MSRA: variants seen among roughly 807,000 people sequenced by gnomAD.
The protein encoded by MSRA is mitochondrial peptide methionine sulfoxide reductase.
A neutral mutation model predicts 31.3 loss-of-function variants in MSRA; 54 were observed. The ratio of observed to expected loss-of-function variants is 1.73; its 90% CI spans 1.39 to 2.17. The LOEUF (loss-of-function observed/expected upper bound fraction) is 2.17, where lower values mean the gene tolerates loss of function less well. MSRA is among the 30% of genes most tolerant of loss of function. The pLI, the probability that MSRA is intolerant of heterozygous loss-of-function variation, is 0.00. For synonymous variants in MSRA, 169 were observed against 116.5 expected (o/e 1.45, Z -2.90); for missense variants, 507 against 300.9 (o/e 1.69, Z -5.07).
At chr8:10,156,433 G>A (rs533662205) in intron 1 of MSRA, among the ~76,000 whole-genome samples, 51 of 151,622 alleles carry the variant, frequency 3.4e-4, no homozygotes, top group African/African-American at 1.2e-3. Flanking sequence ...AGGAAAGCAT[G>A]TGTGTGTACG....
At chr8:10,054,708 G>A (rs1207963386) in intron 1 of MSRA, 50 bp downstream of exon 1, 2 of 1,428,604 alleles carry the variant, frequency 1.4e-6, no homozygotes, top group East Asian at 2.8e-5. Flanking sequence ...GCGCATGCGC[G>A]CCTTTGCCCG....
At chr8:10,375,296 C>T (rs566897101) in intron 5 of MSRA, among the ~76,000 whole-genome samples, 1 of 152,238 alleles carries the variant, frequency 6.6e-6, no homozygotes, top group Non-Finnish European at 1.5e-5. Flanking sequence ...GATTATCAGG[C>T]TTAGCCTGAT....
intron 1 of MSRA, among the ~76,000 whole-genome samples, chr8:10,074,058 C>CTTTTTTTTTTTTTTTTTTTT (rs534642712): frequency 1.4e-4 from 4 of 29,454 alleles, no homozygotes; most frequent in East Asian, 1.7e-3. Context: ...AAGGGAGGTG[C>CTTTTTTTTTTTTTTTTTTTT]TTTTTTTTTT....
intron 5 of MSRA, among the ~76,000 whole-genome samples, chr8:10,385,521 C>G (rs1806332306): frequency 6.6e-6 from 1 of 152,056 alleles, no homozygotes; most frequent in Non-Finnish European, 1.5e-5. Flanking sequence ...TGGGTTTGAC[C>G]TTGACAATTG....
intron 1 of MSRA, among the ~76,000 whole-genome samples, chr8:10,060,031 T>G (rs999992642): frequency 7.9e-5 from 12 of 151,652 alleles, no homozygotes; most frequent in African/African-American, 2.9e-4. Context: ...TTGGCTCAAC[T>G]CCTATGGAAG....
chr8:10,206,778 C>T (rs1006609686), intron 1 of MSRA, among the ~76,000 whole-genome samples: 2 of 152,248 alleles, frequency 1.3e-5, no homozygotes, highest in Non-Finnish European at 2.9e-5. Flanking sequence ...CTGCAGAACC[C>T]TCCGTCCACA....
At chr8:10,064,088 T>C (rs1039191872) in intron 1 of MSRA, among the ~76,000 whole-genome samples, 5 of 152,206 alleles carry the variant, frequency 3.3e-5, no homozygotes, top group African/African-American at 1.2e-4. Context: ...ATTTGGTGCT[T>C]GGTGGTAGTC....
intron 1 of MSRA, among the ~76,000 whole-genome samples, chr8:10,069,448 C>T (rs1343891256): frequency 1.3e-5 from 2 of 152,184 alleles, no homozygotes; most frequent in Non-Finnish European, 2.9e-5. Flanking sequence ...CAGAATACCA[C>T]AGAACTGGGT....
intron 1 of MSRA, among the ~76,000 whole-genome samples, chr8:10,158,716 G>T (rs896339891): frequency 1.3e-5 from 2 of 152,126 alleles, no homozygotes; most frequent in Non-Finnish European, 2.9e-5. Context: ...TTTTTGTGTA[G>T]ACACGTTTTC....
At chr8:10,055,379 C>G (rs73189194) in intron 1 of MSRA, among the ~76,000 whole-genome samples, 3 of 152,340 alleles carry the variant, frequency 2.0e-5, no homozygotes, top group Non-Finnish European at 4.4e-5. Context: ...TGGTAAACTG[C>G]TATAAAAGTT....
chr8:10,363,795 G>A (rs1805001995), intron 5 of MSRA, among the ~76,000 whole-genome samples: 2 of 56,750 alleles, frequency 3.5e-5, no homozygotes, highest in Admixed American at 5.4e-4. Context: ...GGTTGTTGTG[G>A]TGCGCACCCA....
chr8:10,164,899 A>T (rs1245793725), intron 1 of MSRA, among the ~76,000 whole-genome samples: 4 of 152,082 alleles, frequency 2.6e-5, no homozygotes, highest in Non-Finnish European at 5.9e-5. Context: ...GTTGTCGCAG[A>T]CGCCTGTATT....
At chr8:10,141,813 G>T (rs1802734351) in intron 1 of MSRA, among the ~76,000 whole-genome samples, 1 of 152,020 alleles carries the variant, frequency 6.6e-6, no homozygotes, top group Non-Finnish European at 1.5e-5. Flanking sequence ...TTGGCAGCAG[G>T]TTTTTTGCCA....
chr8:10,291,909 A>T (rs1224683735), intron 3 of MSRA, among the ~76,000 whole-genome samples: 1 of 152,220 alleles, frequency 6.6e-6, no homozygotes, highest in Non-Finnish European at 1.5e-5. Flanking sequence ...GACTCTAGGC[A>T]GTTCCCGTGG....
chr8:10,237,785 A>G (rs1054282414), intron 2 of MSRA, among the ~76,000 whole-genome samples: 5 of 152,274 alleles, frequency 3.3e-5, no homozygotes, highest in African/African-American at 7.2e-5. Flanking sequence ...TTTTGGCTCT[A>G]TCTTCAAAAT....
intron 5 of MSRA, among the ~76,000 whole-genome samples, chr8:10,362,244 C>G (rs551709139): frequency 6.6e-6 from 1 of 152,078 alleles, no homozygotes; most frequent in Non-Finnish European, 1.5e-5. Context: ...AGTGCAGATG[C>G]TCAGGAAATA....
intron 1 of MSRA, among the ~76,000 whole-genome samples, chr8:10,097,372 C>A (rs1374073993): frequency 5.3e-5 from 8 of 152,056 alleles, no homozygotes; most frequent in Admixed American, 5.2e-4. Flanking sequence ...AAAATGGACG[C>A]CAAGACATGA....
At chr8:10,256,837 A>G (rs1376126759) in intron 3 of MSRA, among the ~76,000 whole-genome samples, 4 of 151,988 alleles carry the variant, frequency 2.6e-5, no homozygotes, top group East Asian at 3.9e-4. Context: ...TTCTTGTAAG[A>G]TTTCTCAGTT....
Position 10,319,908 on chromosome 8 carries a change from C to T in MSRA, c.462C>T (p.Gly154=). ...GTATGCGCCAGGGGAACGACCATGG[C>T]ACTCAGTACCGCTCGGCCATCTACC... ...TQGMRQGNDH[G]TQYRSAIYPT... Residue 154 remains glycine (G), a synonymous_variant, in exon 5 of 6, where the codon GGC becomes GGT. Coordinates refer to ENST00000317173, the MANE Select transcript of MSRA (RefSeq NM_012331.5). 1.3e-6 allele frequency: 2 copies of T among 1,571,720 alleles called. No individual in the cohort carries two copies. Among genetic ancestry groups the T allele is most frequent in the Non-Finnish European group, 1.7e-6 (2 of 1,158,896 alleles).
Sources: gnomAD v4.1 joint callset for allele counts (sites outside exome capture counted in the v4.1 genomes callset) on GRCh38, gnomAD v4.1.1 for gene constraint, MANE v1.5 for transcripts, NCBI Gene and HGNC (gene_info 2026-07-23, HGNC 2026-07-21) for gene names.